The following CERS3 variants were observed in gnomAD, a reference collection of about 807,000 sequenced individuals.
CERS3 encodes the protein LAG1 homolog, ceramide synthase 3.
Under a neutral mutation model 50.3 loss-of-function variants are expected in CERS3, and 33 were observed. That is an observed-to-expected ratio of 0.66 (90% CI 0.50 to 0.88). The LOEUF (loss-of-function observed/expected upper bound fraction) is 0.88, where lower values mean the gene tolerates loss of function less well. Among genes scored for constraint, CERS3 ranks in the 40% least tolerant of loss-of-function variants. The probability of loss-of-function intolerance (pLI) is 0.00; values close to 1 mark genes in which losing one functional copy is unlikely to be tolerated. For missense variants in CERS3, 470 were observed against 460.3 expected (o/e 1.02, Z -0.19); for synonymous variants, 176 against 155.2 (o/e 1.13, Z -0.99).
chr15:100,424,570 C>T (rs2032683254), intron 11 of CERS3, among the ~76,000 whole-genome samples: 1 of 152,232 alleles, frequency 6.6e-6, no homozygotes, highest in African/African-American at 2.4e-5. Context: ...AAGAGACTGA[C>T]TGGCATTATG....
intron 11 of CERS3, chr15:100,425,897 CTTGCTATT>C (rs61379840): frequency 0.27 from 40,215 of 151,718 alleles, 5,553 homozygotes; most frequent in East Asian, 0.42. Flanking sequence ...GGATTTACCC[CTTGCTATT>C]CTTGTGACAG....
intron 10 of CERS3, among the ~76,000 whole-genome samples, chr15:100,456,419 G>A (rs2034374170): frequency 6.6e-6 from 1 of 152,174 alleles, no homozygotes; most frequent in Non-Finnish European, 1.5e-5. Context: ...GTTTACATGA[G>A]GTTATTATTG....
In CERS3 at chr15:100,421,762, C is replaced by A. The variant is rs1250821404; in HGVS notation, c.1000-18897G>T. Among the ~76,000 whole-genome samples the A allele has an allele frequency of 2.2e-5, 3 of 137,396 alleles. No homozygotes were observed. In the Admixed American group the frequency reaches 2.3e-4, roughly 11 times the overall value. The allele number at this position is 137,396 out of a possible 152,430, so 90.1% of individuals were successfully genotyped here. On this transcript the variant is annotated intron_variant, in intron 11 of 11. Coordinates refer to ENST00000679737, the MANE Select transcript of CERS3 (RefSeq NM_001378789.1). ...TATAGATCAATGTAACAGAACAGAG[C>A]CCTCAGAAATAATGCCGCGTATCTA...
upstream of CERS3, among the ~76,000 whole-genome samples, chr15:100,533,662 A>T (rs1383243536): frequency 7.5e-5 from 11 of 146,250 alleles, no homozygotes; most frequent in African/African-American, 2.3e-4. Flanking sequence ...GGTTGAAGCG[A>T]TTCTCCTGCC....
intron 3 of CERS3, among the ~76,000 whole-genome samples, chr15:100,499,599 T>C (rs985439051): frequency 1.2e-4 from 19 of 152,224 alleles, no homozygotes; most frequent in Non-Finnish European, 2.2e-4. Flanking sequence ...CAACTCTTGG[T>C]CACTTCATAG....
At chr15:100,493,673 T>G (rs1204386153) in intron 3 of CERS3, among the ~76,000 whole-genome samples, 3 of 152,178 alleles carry the variant, frequency 2.0e-5, no homozygotes, top group African/African-American at 7.2e-5. Flanking sequence ...TGTATGTTGG[T>G]ATTCAAGTCT....
intron 1 of CERS3, among the ~76,000 whole-genome samples, chr15:100,543,913 T>C (rs1399151649): frequency 1.3e-5 from 2 of 152,176 alleles, no homozygotes; most frequent in Non-Finnish European, 2.9e-5. Context: ...TGAGAATAAG[T>C]AAAAGGGTAT....
At chr15:100,478,547 T>C (rs1253303224) in intron 7 of CERS3, among the ~76,000 whole-genome samples, 1 of 151,898 alleles carries the variant, frequency 6.6e-6, no homozygotes, top group Non-Finnish European at 1.5e-5. Flanking sequence ...GGTTGTGTTA[T>C]GAGGGGAACA....
chr15:100,438,336 T>A (rs992019458), intron 11 of CERS3, among the ~76,000 whole-genome samples: 1 of 152,156 alleles, frequency 6.6e-6, no homozygotes, highest in Non-Finnish European at 1.5e-5. Flanking sequence ...TAAGCCACTG[T>A]GCCCGGCCTG....
rs749210730 is a variant in CERS3, at chr15:100,479,488, GAA to G, written c.466-12_466-11del. ...CATATAGCCAAGGTTTCTGAAAGAA[GAA>G]AAAAAAAAAGAGCCAACAGATGAGA... On this transcript the variant is annotated splice_polypyrimidine_tract_variant and intron_variant, in intron 6 of 11. Transcript: ENST00000679737. 1.2e-4 allele frequency: 150 copies of G among 1,209,050 alleles called. No homozygotes were observed. Among genetic ancestry groups the G allele is most frequent in the Admixed American group, 2.5e-4 (10 of 39,616 alleles). The allele number at this position is 1,209,050 out of a possible 1,614,324, so 74.9% of individuals were successfully genotyped here. A position where few individuals can be genotyped will look rare whatever the true frequency, so the allele number is the denominator to read the frequency against.
intron 10 of CERS3, among the ~76,000 whole-genome samples, chr15:100,465,467 C>A (rs767259964): frequency 7.5e-6 from 1 of 132,684 alleles, no homozygotes; most frequent in Admixed American, 7.7e-5. Context: ...ACCATTTAAA[C>A]TAGAGCAGTA....
At position 100,442,032 on chromosome 15, in the gene CERS3, C is replaced by T. The variant is rs148378290; in HGVS notation, c.999+13861G>A. On this transcript the variant is annotated intron_variant, in intron 11 of 11. Transcript: ENST00000679737. ...TCACCTCCCCTCCTCACACCCAGGCCGGCTTACAGTTTTGTTCCATGACTA... is the reference window on the plus strand; with the variant it reads ...TCACCTCCCCTCCTCACACCCAGGCTGGCTTACAGTTTTGTTCCATGACTA... 7.8e-3 allele frequency among the ~76,000 whole-genome samples: 1,190 copies of T among 152,250 alleles called. 23 individuals are homozygous for T. Among genetic ancestry groups the T allele is most frequent in the Admixed American group, 0.05 (763 of 15,292 alleles).
intron 11 of CERS3, among the ~76,000 whole-genome samples, chr15:100,417,724 C>A (rs1026805132): frequency 1.3e-5 from 2 of 151,928 alleles, no homozygotes; most frequent in East Asian, 3.9e-4. Context: ...CAGCACGCAG[C>A]TGGAGATCTG....
chr15:100,485,426 A>G (rs1000100000), intron 4 of CERS3, among the ~76,000 whole-genome samples: 3 of 152,246 alleles, frequency 2.0e-5, no homozygotes, highest in Non-Finnish European at 4.4e-5. Context: ...GACAAGAAAC[A>G]TAAATGACCA....
intron 11 of CERS3, among the ~76,000 whole-genome samples, chr15:100,420,486 T>C (rs1175947937): frequency 1.6e-4 from 24 of 152,132 alleles, no homozygotes; most frequent in African/African-American, 4.1e-4. Flanking sequence ...GATTCACAGC[T>C]GAATTCTACC....
chr15:100,534,592 A>C (rs1380841342), intron 1 of CERS3, among the ~76,000 whole-genome samples: 2 of 150,336 alleles, frequency 1.3e-5, no homozygotes, highest in East Asian at 4.0e-4. Flanking sequence ...ATTCAAAGTC[A>C]CTCCTCTGCT....
chr15:100,517,065 A>T (rs2036510373), intron 2 of CERS3, among the ~76,000 whole-genome samples: 1 of 152,220 alleles, frequency 6.6e-6, no homozygotes, highest in South Asian at 2.1e-4. Flanking sequence ...AAAGCTTAGA[A>T]CTGTGGCTCT....
At chr15:100,459,801 AAAAT>A (rs2034491382) in intron 10 of CERS3, among the ~76,000 whole-genome samples, 1 of 152,210 alleles carries the variant, frequency 6.6e-6, no homozygotes, top group Non-Finnish European at 1.5e-5. Flanking sequence ...GTCTCCACCT[AAAAT>A]AACAGAGTAC....
intron 11 of CERS3, among the ~76,000 whole-genome samples, chr15:100,412,400 A>T (rs1469223855): frequency 1.3e-5 from 2 of 152,124 alleles, no homozygotes; most frequent in African/African-American, 4.8e-5. Flanking sequence ...TCTATTCTAT[A>T]CCATGGTCTT....
Sources: gnomAD v4.1 joint callset for allele counts (sites outside exome capture counted in the v4.1 genomes callset) on GRCh38, gnomAD v4.1.1 for gene constraint, MANE v1.5 for transcripts, NCBI Gene and HGNC (gene_info 2026-07-23, HGNC 2026-07-21) for gene names.